NHEJ1: variants seen among roughly 807,000 people sequenced by gnomAD.
The protein encoded by NHEJ1 is non-homologous end joining factor 1.
NHEJ1 carries 22 observed loss-of-function variants against 39.4 expected under a neutral mutation model. That is an observed-to-expected ratio of 0.56 (90% confidence interval 0.40 to 0.80). The LOEUF (loss-of-function observed/expected upper bound fraction) is 0.80, where lower values mean the gene tolerates loss of function less well. Ranked by LOEUF, NHEJ1 falls within the 30% of genes least tolerant of loss-of-function variation. The pLI, the probability that NHEJ1 is intolerant of heterozygous loss-of-function variation, is 0.00. For missense variants in NHEJ1, 329 were observed against 357.1 expected (o/e 0.92, Z 0.63); for synonymous variants, 154 against 135.6 (o/e 1.14, Z -0.94).
At chr2:219,084,118 T>A (rs1949091160) in intron 5 of NHEJ1, among the ~76,000 whole-genome samples, 1 of 151,528 alleles carries the variant, frequency 6.6e-6, no homozygotes, top group African/African-American at 2.4e-5. Context: ...GCGATTCTCC[T>A]GCCTCAGCCT....
At chr2:219,142,238 A>G (rs1163623899) in intron 5 of NHEJ1, among the ~76,000 whole-genome samples, 1 of 152,206 alleles carries the variant, frequency 6.6e-6, no homozygotes, top group Non-Finnish European at 1.5e-5. Context: ...AGAGGAGAGA[A>G]GAGTAGAGAA....
At chr2:219,115,676 A>G (rs1160459427) in intron 5 of NHEJ1, among the ~76,000 whole-genome samples, 1 of 152,234 alleles carries the variant, frequency 6.6e-6, no homozygotes, top group African/African-American at 2.4e-5. Context: ...CACATGCACA[A>G]GTCTTCAGAG....
At chr2:219,153,701 G>GGGC (rs1553549118) in intron 3 of NHEJ1, among the ~76,000 whole-genome samples, 7 of 130,458 alleles carry the variant, frequency 5.4e-5, no homozygotes, top group African/African-American at 1.9e-4. Flanking sequence ...AAGGGGGGGG[G>GGGC]GGTGGAGAGA....
In NHEJ1 at chr2:219,076,313, G is replaced by A. The variant is rs750590437; in HGVS notation, c.*68C>T. 1.0e-4 allele frequency: 163 copies of A among 1,613,694 alleles called. No homozygotes were observed. Among genetic ancestry groups the A allele is most frequent in the Non-Finnish European group, 1.3e-4 (157 of 1,179,916 alleles). Reference sequence around the variant, plus strand: ...TTTTAGAAATATTGCTGCCATGTAAGCTTCTTTCAAGGTGAAGCTTGGAAG... The same window carrying A: ...TTTTAGAAATATTGCTGCCATGTAAACTTCTTTCAAGGTGAAGCTTGGAAG... On this transcript the variant is annotated 3_prime_UTR_variant, in exon 8 of 8. Transcript: ENST00000356853.
chr2:219,154,080 T>C (rs902892441), intron 3 of NHEJ1, among the ~76,000 whole-genome samples: 1 of 152,192 alleles, frequency 6.6e-6, no homozygotes, highest in Admixed American at 6.5e-5. Flanking sequence ...ATATGATACA[T>C]TCATTAAATA....
chr2:219,159,960 G>T (rs1045519092), intron 1 of NHEJ1, among the ~76,000 whole-genome samples: 1 of 152,108 alleles, frequency 6.6e-6, no homozygotes, highest in Non-Finnish European at 1.5e-5. Flanking sequence ...AATGTGGCCA[G>T]GAGTAACGGG....
At chr2:219,092,243 G>GT (rs1216673441) in intron 5 of NHEJ1, among the ~76,000 whole-genome samples, 1 of 151,516 alleles carries the variant, frequency 6.6e-6, no homozygotes, top group Non-Finnish European at 1.5e-5. Flanking sequence ...GCAGTGAGCT[G>GT]TGATTGTGTC....
chr2:219,114,043 T>C (rs1949389000), intron 5 of NHEJ1, among the ~76,000 whole-genome samples: 1 of 152,110 alleles, frequency 6.6e-6, no homozygotes, highest in Non-Finnish European at 1.5e-5. Context: ...AAAACAAGCA[T>C]CTTCCAAAGC....
chr2:219,081,816 A>G (rs192900343), intron 5 of NHEJ1, among the ~76,000 whole-genome samples: 5 of 152,372 alleles, frequency 3.3e-5, no homozygotes, highest in African/African-American at 1.2e-4. Flanking sequence ...TGGTGACATC[A>G]AGACAAGCCT....
rs1442958874 is a variant in NHEJ1 at position 219,157,989 on chromosome 2, TCTCACACACACA to T, written c.177+185_177+196del. Among the ~76,000 whole-genome samples the T allele has an allele frequency of 7.1e-3, 851 of 119,118 alleles. 3 individuals are homozygous for T. The highest frequency in any genetic ancestry group is 0.049 in the South Asian group (171 of 3,524). The allele number at this position is 119,118 out of a possible 152,430, so 78.1% of individuals were successfully genotyped here. Reference sequence around the variant, plus strand: ...AACTTTCTTTCTCTCTCTCTCTCTCTCTCACACACACACACACACACACACACACACACACAC... The same window carrying T: ...AACTTTCTTTCTCTCTCTCTCTCTCTCACACACACACACACACACACACAC... On this transcript the variant is annotated intron_variant, in intron 2 of 7. Transcript: ENST00000356853.
chr2:219,071,941 C>T lies in NHEJ1; in HGVS notation c.*4440G>A, dbSNP rs898248579. 1.3e-5 allele frequency among the ~76,000 whole-genome samples: 2 copies of T among 152,134 alleles called. No individual in the cohort carries two copies. The highest frequency in any genetic ancestry group is 4.8e-5 in the African/African-American group (2 of 41,418). On this transcript the variant is annotated 3_prime_UTR_variant, in exon 8 of 8. Transcript: ENST00000356853. ...CCTTTGCTAGAATACTTGGGTGCTACCTAATGACTTCCTATGTGCTAGGAT... is the reference window on the plus strand; with the variant it reads ...CCTTTGCTAGAATACTTGGGTGCTATCTAATGACTTCCTATGTGCTAGGAT...
intron 5 of NHEJ1, among the ~76,000 whole-genome samples, chr2:219,137,845 A>G (rs192251963): frequency 2.6e-5 from 4 of 152,162 alleles, no homozygotes; most frequent in African/African-American, 9.6e-5. Flanking sequence ...TTTTCTAATC[A>G]CTCCACTACT....
At chr2:219,124,853 G>A (rs1949500922) in intron 5 of NHEJ1, 1 of 152,166 alleles carries the variant, frequency 6.6e-6, no homozygotes, top group African/African-American at 2.4e-5. Context: ...TGTGGGGTTG[G>A]TGGCTGGCTG....
At chr2:219,126,868 G>A (rs1456473227) in intron 5 of NHEJ1, among the ~76,000 whole-genome samples, 1 of 152,256 alleles carries the variant, frequency 6.6e-6, no homozygotes. Context: ...CAGAGGGAAC[G>A]GCATGTGCCA....
chr2:219,121,131 G>A (rs957812623), intron 5 of NHEJ1, among the ~76,000 whole-genome samples: 2 of 151,986 alleles, frequency 1.3e-5, no homozygotes, highest in Admixed American at 6.6e-5. Flanking sequence ...ACTTGAACCC[G>A]GGAGGCTGAG....
chr2:219,136,676 C>T (rs1949633014), intron 5 of NHEJ1, among the ~76,000 whole-genome samples: 1 of 152,110 alleles, frequency 6.6e-6, no homozygotes, highest in South Asian at 2.1e-4. Context: ...AATCTCGGCT[C>T]ACTGCAACCT....
At chr2:219,146,770 T>C in intron 4 of NHEJ1, 32 bp from the exon 5 acceptor site, 2 of 1,526,012 alleles carry the variant, frequency 1.3e-6, no homozygotes, top group Non-Finnish European at 1.8e-6. Context: ...AAAAGAAATA[T>C]GAGTCATACA....
chr2:219,147,829 C>G (rs777703611), intron 3 of NHEJ1, 34 bp from the exon 4 acceptor site: 10 of 1,612,002 alleles, frequency 6.2e-6, no homozygotes, highest in Non-Finnish European at 6.8e-6. Context: ...AGCCAAAAGA[C>G]TCTTATAAAG....
chr2:219,139,707 C>T (rs1257179747), intron 5 of NHEJ1, among the ~76,000 whole-genome samples: 9 of 152,252 alleles, frequency 5.9e-5, no homozygotes, highest in Admixed American at 2.0e-4. Context: ...GACAGAGTCT[C>T]GCTCTTTCGC....
Sources: allele counts gnomAD v4.1 joint callset (sites outside exome capture counted in the v4.1 genomes callset), GRCh38; gene constraint gnomAD v4.1.1; transcripts MANE v1.5; gene names NCBI Gene and HGNC (gene_info 2026-07-23, HGNC 2026-07-21).